The following MVB12B variants were observed in gnomAD, a reference collection of about 807,000 sequenced individuals.
MVB12B encodes ESCRT-I complex subunit MVB12B.
Under a neutral mutation model 41.6 loss-of-function variants are expected in MVB12B, and 16 were observed. That is an observed-to-expected ratio of 0.38 (90% confidence interval 0.26 to 0.58). MVB12B has a LOEUF of 0.58. MVB12B is among the 20% of genes least tolerant of loss of function. The pLI, the probability that MVB12B is intolerant of heterozygous loss-of-function variation, is 0.62. For missense variants in MVB12B, 274 were observed against 380.2 expected (o/e 0.72, Z 2.32); for synonymous variants, 133 against 139.7 (o/e 0.95, Z 0.34).
intron 7 of MVB12B, among the ~76,000 whole-genome samples, chr9:126,449,257 G>C (rs555979076): frequency 6.6e-6 from 1 of 152,298 alleles, no homozygotes; most frequent in East Asian, 1.9e-4. Flanking sequence ...ACCTGCCACC[G>C]GTACAAATAC....
At chr9:126,398,146 T>C (rs1228768691) in intron 6 of MVB12B, among the ~76,000 whole-genome samples, 1 of 151,910 alleles carries the variant, frequency 6.6e-6, no homozygotes, top group Non-Finnish European at 1.5e-5. Context: ...AGAGGACTTC[T>C]CTCCCGGGAA....
rs1362780422 is a variant in MVB12B at position 126,340,293 on chromosome 9, G to A, written c.82-215G>A. On this transcript the variant is annotated intron_variant, in intron 1 of 9. Coordinates refer to ENST00000361171, the MANE Select transcript of MVB12B (RefSeq NM_033446.3). This position sits in a 1 kb window ranked among gnomAD's most constrained non-coding sequence, Gnocchi z 4.0. ...AGAGACAAGCTCTCATCTTAGCTCA[G>A]TGTTCAAAGCTAACCTGAGAAGAGT... is the stretch of plus-strand genomic sequence containing the variant. Among the ~76,000 whole-genome samples, 1 of 152,138 alleles carries A rather than the reference G, an allele frequency of 6.6e-6. No homozygotes were observed. The highest frequency in any genetic ancestry group is 1.5e-5 in the Non-Finnish European group (1 of 68,038).
intron 2 of MVB12B, among the ~76,000 whole-genome samples, chr9:126,350,455 A>G (rs1039099927): frequency 6.6e-6 from 1 of 152,186 alleles, no homozygotes; most frequent in Non-Finnish European, 1.5e-5. Flanking sequence ...TACAACTTTT[A>G]TAGTTTTACA....
At position 126,395,561 on chromosome 9, in the gene MVB12B, C is replaced by CT. The variant is rs1184026649; in HGVS notation, c.540-8dup. 8 of 1,613,852 alleles carry CT rather than the reference C, an allele frequency of 5.0e-6. No individual in the cohort carries two copies. Among genetic ancestry groups the CT allele is most frequent in the Admixed American group, 1.7e-5 (1 of 59,964 alleles). ...GCTAACCAGAGCCATGAAGATTTCT[C>CT]TTTTTTCCTAAAGGGAACTGAACAG... On this transcript the variant is annotated splice_polypyrimidine_tract_variant and intron_variant, in intron 5 of 9. Coordinates refer to ENST00000361171, the MANE Select transcript of MVB12B (RefSeq NM_033446.3). This position sits in a 1 kb window ranked among gnomAD's most constrained non-coding sequence, Gnocchi z 4.9.
intron 5 of MVB12B, among the ~76,000 whole-genome samples, chr9:126,393,575 C>A (rs1345206539): frequency 6.6e-6 from 1 of 152,188 alleles, no homozygotes; most frequent in Non-Finnish European, 1.5e-5. Context: ...AGGATCAGCT[C>A]CATTGGAACT....
intron 6 of MVB12B, among the ~76,000 whole-genome samples, chr9:126,415,854 C>A (rs375701579): frequency 2.2e-4 from 34 of 152,206 alleles, no homozygotes; most frequent in African/African-American, 7.9e-4. Flanking sequence ...AGGGAGGAGG[C>A]AGGTGTTATA....
chr9:126,452,165 G>A (rs909583463), intron 7 of MVB12B, among the ~76,000 whole-genome samples: 8 of 152,224 alleles, frequency 5.3e-5, no homozygotes, highest in Non-Finnish European at 1.0e-4. Context: ...CAGCTCATGC[G>A]TGTGCTCACG....
intron 7 of MVB12B, among the ~76,000 whole-genome samples, chr9:126,458,747 C>T (rs77082183): frequency 7.7e-4 from 117 of 152,222 alleles, no homozygotes; most frequent in African/African-American, 2.7e-3. Context: ...TGAAAAAATT[C>T]AGGGCAGATT....
chr9:126,466,722 TTAAG>T lies in MVB12B; in HGVS notation c.758-14643_758-14640del, dbSNP rs539336440. Among the ~76,000 whole-genome samples the T allele has an allele frequency of 1.2e-4, 19 of 152,324 alleles. No individual in the cohort carries two copies. The South Asian group carries it at 3.7e-3, about 30-fold the overall frequency. ...TGCCCTAGAGATGCATACTTTATAA[TTAAG>T]TAACTCTGGTGTTTGTGATCATTTC... On this transcript the variant is annotated intron_variant, in intron 7 of 9. Transcript: ENST00000361171.
chr9:126,386,141 G>T lies in MVB12B; in HGVS notation c.313-421G>T, dbSNP rs182930039. Among the ~76,000 whole-genome samples the T allele has an allele frequency of 3.3e-5, 5 of 152,278 alleles. No individual in the cohort carries two copies. In the East Asian group the frequency reaches 9.7e-4, roughly 29 times the overall value. ...TGGTGATCACTTAGGAGAGTGATTG[G>T]TTCCCTGTTAGGTTTAGATGCAGCT... On this transcript the variant is annotated intron_variant, in intron 3 of 9. Transcript: ENST00000361171. The surrounding 1 kb of genome is among the most constrained non-coding windows in gnomAD (Gnocchi z 4.3).
intron 7 of MVB12B, among the ~76,000 whole-genome samples, chr9:126,464,064 C>T (rs1051938188): frequency 6.6e-6 from 1 of 152,142 alleles, no homozygotes; most frequent in Non-Finnish European, 1.5e-5. Context: ...ATCTGTCTAT[C>T]ACCTCATCCA....
intron 7 of MVB12B, among the ~76,000 whole-genome samples, chr9:126,476,229 G>C (rs980524114): frequency 8.5e-5 from 13 of 152,230 alleles, no homozygotes; most frequent in African/African-American, 1.9e-4. Context: ...AGGTGTTACC[G>C]CTGAGCCTGC....
chr9:126,396,314 C>A (rs1188149963), intron 6 of MVB12B: 6 of 985,448 alleles, frequency 6.1e-6, no homozygotes, highest in Admixed American at 6.1e-5. Flanking sequence ...AAAAAGAATC[C>A]TGTCAAATAA....
At chr9:126,445,180 G>T (rs1832735735) in intron 7 of MVB12B, among the ~76,000 whole-genome samples, 1 of 152,106 alleles carries the variant, frequency 6.6e-6, no homozygotes, top group Non-Finnish European at 1.5e-5. Context: ...TCCTTCCAGA[G>T]ATATAACTCT....
chr9:126,423,946 A>G (rs114742420), intron 7 of MVB12B, among the ~76,000 whole-genome samples: 207 of 152,362 alleles, frequency 1.4e-3, no homozygotes, highest in African/African-American at 4.8e-3. Context: ...GCCCTTGCCC[A>G]GTACCCATGC....
At position 126,389,757 on chromosome 9, in the gene MVB12B, C is replaced by T. The variant is rs1830893167; in HGVS notation, c.410-2309C>T. On this transcript the variant is annotated intron_variant, in intron 4 of 9. Coordinates refer to ENST00000361171, the MANE Select transcript of MVB12B (RefSeq NM_033446.3). This position sits in a 1 kb window ranked among gnomAD's most constrained non-coding sequence, Gnocchi z 4.4. Reference sequence around the variant, plus strand: ...CCCCCAACTCCCCAGGTTGCTGTCCCAAGTGTGGACCCTGAGGTTGGGTCT... The same window carrying T: ...CCCCCAACTCCCCAGGTTGCTGTCCTAAGTGTGGACCCTGAGGTTGGGTCT... Among the ~76,000 whole-genome samples the T allele has an allele frequency of 6.6e-6, 1 of 151,952 alleles. No homozygotes were observed. The highest frequency in any genetic ancestry group is 1.5e-5 in the Non-Finnish European group (1 of 67,982).
intron 2 of MVB12B, among the ~76,000 whole-genome samples, chr9:126,363,079 C>A (rs1830068429): frequency 1.3e-5 from 2 of 151,726 alleles, no homozygotes; most frequent in Admixed American, 1.3e-4. Context: ...CCCAGCTACT[C>A]AGGAGGCTGA....
intron 6 of MVB12B, among the ~76,000 whole-genome samples, chr9:126,420,172 C>G (rs1489882678): frequency 6.6e-6 from 1 of 152,228 alleles, no homozygotes; most frequent in Non-Finnish European, 1.5e-5. Context: ...TTTTCTTGTT[C>G]TCCGAGCACA....
intron 9 of MVB12B, among the ~76,000 whole-genome samples, chr9:126,494,508 G>A (rs559801921): frequency 6.6e-6 from 1 of 152,354 alleles, no homozygotes; most frequent in East Asian, 1.9e-4. Flanking sequence ...CAGAATTGAA[G>A]TCAAGGTGAA....
Sources: allele counts gnomAD v4.1 joint callset (sites outside exome capture counted in the v4.1 genomes callset), GRCh38; gene constraint gnomAD v4.1.1; non-coding constraint Gnocchi (gnomAD v3.1); transcripts MANE v1.5; gene names NCBI Gene and HGNC (gene_info 2026-07-23, HGNC 2026-07-21).